Variants in NOTO observed in about 807,000 individuals in gnomAD.
NOTO encodes notochord homeobox, also known as homeobox protein notochord.
In NOTO, 19 loss-of-function variants were observed where a neutral mutation model predicts 20.5. The observed-to-expected ratio is 0.93, with a 90% CI of 0.65 to 1.36. The LOEUF (loss-of-function observed/expected upper bound fraction) is 1.36. Among genes scored for constraint, NOTO ranks in the 40% most tolerant of loss-of-function variants. The probability of loss-of-function intolerance (pLI) is 0.00; values close to 1 mark genes in which losing one functional copy is unlikely to be tolerated. For synonymous variants in NOTO, 150 were observed against 150.2 expected (o/e 1.00, Z 0.01); for missense variants, 369 against 336.2 (o/e 1.10, Z -0.76).
intron 2 of NOTO, 84 bp from the exon 3 acceptor site, chr2:73,210,687 C>T: frequency 1.7e-6 from 2 of 1,184,402 alleles, no homozygotes; most frequent in Non-Finnish European, 2.3e-6. Context: ...ATTGGCCAGG[C>T]AGAGAGGGGT....
In NOTO at chr2:73,208,604, C is replaced by T. The variant is rs1342695725; in HGVS notation, c.587C>T (p.Thr196Ile). 10 of 1,549,978 alleles carry T rather than the reference C, an allele frequency of 6.5e-6. No homozygotes were observed. Among genetic ancestry groups the T allele is most frequent in the Non-Finnish European group, 8.7e-6 (10 of 1,145,942 alleles). Reference sequence around the variant, plus strand: ...CAGCTGGCAGCTCGGCTCAAACTTACAGAGAACCAGGTGGGAGTAGGGACT... The same window carrying T: ...CAGCTGGCAGCTCGGCTCAAACTTATAGAGAACCAGGTGGGAGTAGGGACT... ...RAQLAARLKL[T>I]ENQVRVWFQN... The change falls in exon 2 of 3, where the codon ACA becomes ATA. Residue 196 changes from threonine (T) to isoleucine (I), a missense_variant. Coordinates refer to ENST00000398468, the MANE Select transcript of NOTO (RefSeq NM_001134462.2).
In NOTO at chr2:73,210,734, G is replaced by A. The variant is rs1014837722; in HGVS notation, c.598-37G>A. ...GAATTAGGAAGCAGTGGGACCTGAT[G>A]GTCACATTCTGATCTCTGCCCACTC... is the stretch of plus-strand genomic sequence containing the variant. On this transcript the variant is annotated intron_variant, in intron 2 of 2. Transcript: ENST00000398468. 3 of 1,502,562 alleles carry A rather than the reference G, an allele frequency of 2.0e-6. No homozygotes were observed. In the Admixed American group the frequency reaches 6.3e-5, roughly 31 times the overall value. 93.1% of individuals were successfully genotyped at this position (1,502,562 alleles called of 1,614,324 possible).
intron 2 of NOTO, among the ~76,000 whole-genome samples, chr2:73,209,901 TC>T (rs763696476): frequency 5.3e-5 from 8 of 152,086 alleles, no homozygotes; most frequent in Non-Finnish European, 1.0e-4. Flanking sequence ...CATCCTAGAT[TC>T]CTCCTTCTCC....
At chr2:73,207,394 C>T (rs1448658754) in intron 1 of NOTO, among the ~76,000 whole-genome samples, 1 of 152,164 alleles carries the variant, frequency 6.6e-6, no homozygotes, top group Non-Finnish European at 1.5e-5. Flanking sequence ...CATTCTTCTG[C>T]CTAGAATACT....
In NOTO at chr2:73,203,044, C is replaced by T; in HGVS notation, c.378C>T (p.Val126=). ...APVCGLLGFG[V]TGLELAHCSG... ...TCTGCGGCCTGCTGGGCTTCGGCGT[C>T]ACAGGTACTGCGGTCCCGGCGCCCG... Residue 126 remains valine, a synonymous_variant, in exon 1 of 3, where the codon GTC becomes GTT. Coordinates refer to ENST00000398468, the MANE Select transcript of NOTO (RefSeq NM_001134462.2). The T allele has an allele frequency of 7.2e-7, 1 of 1,393,346 alleles. No homozygotes were observed. Among genetic ancestry groups the T allele is most frequent in the Non-Finnish European group, 9.3e-7 (1 of 1,077,520 alleles). 86.3% of individuals were successfully genotyped at this position (1,393,346 alleles called of 1,614,324 possible).
rs1405020528 is a variant in NOTO at position 73,208,334 on chromosome 2, G to A, written c.383-66G>A. ...CTTCTCATTTTGCCCAGATGGGAGT[G>A]CAGGGGGCTTCTGGCTAACCTCCCC... On this transcript the variant is annotated intron_variant, in intron 1 of 2. Transcript: ENST00000398468. 1.9e-5 allele frequency: 21 copies of A among 1,111,450 alleles called. 1 individual carries two copies. The highest frequency in any genetic ancestry group is 2.7e-4 in the Middle Eastern group (1 of 3,666). 68.8% of individuals were successfully genotyped at this position (1,111,450 alleles called of 1,614,324 possible).
chr2:73,210,520 C>T (rs953095639), intron 2 of NOTO, among the ~76,000 whole-genome samples: 4 of 152,216 alleles, frequency 2.6e-5, no homozygotes, highest in African/African-American at 9.7e-5. Flanking sequence ...CGAGGGCAGG[C>T]AGCTTGCCTC....
intron 1 of NOTO, among the ~76,000 whole-genome samples, chr2:73,203,662 C>G (rs1686040143): frequency 6.6e-6 from 1 of 152,206 alleles, no homozygotes; most frequent in African/African-American, 2.4e-5. Context: ...GCACTTAAAT[C>G]TCATGAGAAA....
rs766737940 is a variant in NOTO at position 73,208,450 on chromosome 2, C to G, written c.433C>G (p.Pro145Ala). Reference protein sequence around the residue: ...SGLWAFPDWAPTEDLQDTERQ... With the variant: ...SGLWAFPDWAATEDLQDTERQ... ...ACTCTGGGCCTTCCCAGACTGGGCC[C>G]CAACGGAGGACCTACAGGACACTGA... is the stretch of plus-strand genomic sequence containing the variant. Residue 145 changes from proline (P) to alanine (A), a missense_variant, in exon 2 of 3, where the codon CCA (proline) becomes GCA (alanine). Pro to Ala is a conservative substitution (Grantham distance 27, BLOSUM62 -1). Coordinates refer to ENST00000398468, the MANE Select transcript of NOTO (RefSeq NM_001134462.2). 16 of 1,551,512 alleles carry G rather than the reference C, an allele frequency of 1.0e-5. No homozygotes were observed.
In NOTO at chr2:73,211,502, C is replaced by CT. The variant is rs908512802; in HGVS notation, c.*583dup. The CT allele has an allele frequency of 2.0e-4, 30 of 149,806 alleles. No homozygotes were observed. Among genetic ancestry groups the CT allele is most frequent in the East Asian group, 7.8e-4 (4 of 5,120 alleles). 9.3% of individuals were successfully genotyped at this position (149,806 alleles called of 1,614,324 possible). ...CATTCCACATGGCAGCCCCTCCTTT[C>CT]TTTTTTTTTTGAGACAGACTGCAGT... On this transcript the variant is annotated 3_prime_UTR_variant, in exon 3 of 3. Transcript: ENST00000398468.
At chr2:73,207,254 T>C (rs934026499) in intron 1 of NOTO, among the ~76,000 whole-genome samples, 14 of 152,140 alleles carry the variant, frequency 9.2e-5, no homozygotes, top group African/African-American at 3.4e-4. Flanking sequence ...GTAAGCCTAG[T>C]GGGCCCAGTG....
At position 73,210,823 on chromosome 2, in the gene NOTO, T is replaced by C; in HGVS notation, c.650T>C (p.Leu217Pro). The C allele has an allele frequency of 6.4e-7, 1 of 1,551,638 alleles. No individual in the cohort carries two copies. The highest frequency in any genetic ancestry group is 8.7e-7 in the Non-Finnish European group (1 of 1,146,946). Residue 217 changes from leucine (L) to proline (P), a missense_variant, in exon 3 of 3, where the codon CTG becomes CCG. Coordinates refer to ENST00000398468, the MANE Select transcript of NOTO (RefSeq NM_001134462.2). The stretch of plus-strand genomic sequence containing the variant: ...GTCAAGTATCAGAAGCAGCAAAAGC[T>C]GAGGGCAGCAGTTACATCTGCCGAG... ...RRVKYQKQQK[L>P]RAAVTSAEAA... is the part of the protein sequence containing the mutation.
At chr2:73,204,173 G>GAGGC in intron 1 of NOTO, among the ~76,000 whole-genome samples, 1 of 151,752 alleles carries the variant, frequency 6.6e-6, no homozygotes, top group South Asian at 2.1e-4. Context: ...AGCTACTCAG[G>GAGGC]AGGCTAAAGC....
At position 73,202,630 on chromosome 2, in the gene NOTO, C is replaced by CTCCCTTCCTTGCG. The variant is rs1686018553; in HGVS notation, c.-33_-21dup. The CTCCCTTCCTTGCG allele has an allele frequency of 7.0e-7, 1 of 1,420,290 alleles. No homozygotes were observed. The highest frequency in any genetic ancestry group is 1.5e-5 in the African/African-American group (1 of 66,132). The allele number at this position is 1,420,290 out of a possible 1,614,324, so 88.0% of individuals were successfully genotyped here. On this transcript the variant is annotated 5_prime_UTR_variant, in exon 1 of 3. Transcript: ENST00000398468. ...GCAGAATCTTCTCACTTCTCCCGAG[C>CTCCCTTCCTTGCG]TCCCTTCCTTGCGTCCGTCCGGGCA...
chr2:73,210,154 C>T (rs1369326616), intron 2 of NOTO, among the ~76,000 whole-genome samples: 4 of 152,170 alleles, frequency 2.6e-5, no homozygotes, highest in African/African-American at 7.2e-5. Context: ...GGTGACATTC[C>T]TTATCTATGG....
At chr2:73,206,097 C>T (rs1487175322) in intron 1 of NOTO, among the ~76,000 whole-genome samples, 2 of 152,044 alleles carry the variant, frequency 1.3e-5, no homozygotes, top group Non-Finnish European at 2.9e-5. Context: ...AATAACTTCC[C>T]CATTTTTTTC....
rs1210636220 is a variant in NOTO, at chr2:73,208,354, C to G, written c.383-46C>G. On this transcript the variant is annotated intron_variant, in intron 1 of 2. Transcript: ENST00000398468. Reference sequence around the variant, plus strand: ...GGAGTGCAGGGGGCTTCTGGCTAACCTCCCCTGCTGCTGGATAACCTCCCC... The same window carrying G: ...GGAGTGCAGGGGGCTTCTGGCTAACGTCCCCTGCTGCTGGATAACCTCCCC... The G allele has an allele frequency of 3.6e-6, 5 of 1,370,136 alleles. No homozygotes were observed. In the East Asian group the frequency reaches 1.0e-4, roughly 27 times the overall value. The allele number at this position is 1,370,136 out of a possible 1,614,324, so 84.9% of individuals were successfully genotyped here.
chr2:73,203,240 C>T (rs1343636641), intron 1 of NOTO, among the ~76,000 whole-genome samples, 192 bp downstream of exon 1: 3 of 152,058 alleles, frequency 2.0e-5, no homozygotes, highest in Non-Finnish European at 4.4e-5. Context: ...CTGAAAAAGA[C>T]CCCGGCGCGA....
Position 73,203,064 on chromosome 2 carries a change from C to T in NOTO, c.382+16C>T, listed in dbSNP as rs1456468779. On this transcript the variant is annotated intron_variant, in intron 1 of 2. Coordinates refer to ENST00000398468, the MANE Select transcript of NOTO (RefSeq NM_001134462.2). ...GGCGTCACAGGTACTGCGGTCCCGG[C>T]GCCCGCACGCGGGGGACTGGGCGGG... 3 of 1,371,878 alleles carry T rather than the reference C, an allele frequency of 2.2e-6. No homozygotes were observed. Among genetic ancestry groups the T allele is most frequent in the Non-Finnish European group, 2.8e-6 (3 of 1,068,734 alleles). 85.0% of individuals were successfully genotyped at this position (1,371,878 alleles called of 1,614,324 possible). A position where few individuals can be genotyped will look rare whatever the true frequency, so the allele number is the denominator to read the frequency against.
Sources: gnomAD v4.1 joint callset for allele counts (sites outside exome capture counted in the v4.1 genomes callset) on GRCh38, gnomAD v4.1.1 for gene constraint, MANE v1.5 for transcripts, NCBI Gene and HGNC (gene_info 2026-07-23, HGNC 2026-07-21) for gene names.